PEX7: variants seen among roughly 807,000 people sequenced by gnomAD.
PEX7 encodes peroxisomal biogenesis factor 7.
In PEX7, 34 loss-of-function variants were observed where a neutral mutation model predicts 47.5. The observed-to-expected ratio is 0.72, with a 90% CI of 0.54 to 0.95. PEX7 has a LOEUF of 0.95. PEX7 is among the 40% of genes least tolerant of loss of function. PEX7 has a pLI of 0.00. For missense variants in PEX7, 394 were observed against 400.3 expected, an observed-to-expected ratio of 0.98 and a Z score of 0.13; for synonymous variants, 141 against 148.8, an observed-to-expected ratio of 0.95 and a Z score of 0.38.
intron 8 of PEX7, among the ~76,000 whole-genome samples, chr6:136,894,847 G>C (rs865809392): frequency 2.4e-4 from 37 of 152,294 alleles, no homozygotes; most frequent in Middle Eastern, 3.4e-3. Context: ...GAGACAAAAA[G>C]GCACCAAGTA....
intron 2 of PEX7, 65 bp downstream of exon 2, chr6:136,825,336 T>C: frequency 7.8e-7 from 1 of 1,277,212 alleles, no homozygotes; most frequent in Admixed American, 1.7e-5. Flanking sequence ...GAATTAGGTT[T>C]TGACTCTTTG....
In PEX7 at chr6:136,900,319, A is replaced by G. The variant is rs1775731333; in HGVS notation, c.903+2078A>G. 5.5e-6 allele frequency: 1 copy of G among 183,472 alleles called. No individual in the cohort carries two copies. Among genetic ancestry groups the G allele is most frequent in the Non-Finnish European group, 1.2e-5 (1 of 86,644 alleles). The allele number at this position is 183,472 out of a possible 1,614,324, so 11.4% of individuals were successfully genotyped here. On this transcript the variant is annotated intron_variant, in intron 9 of 9. Coordinates refer to ENST00000318471, the MANE Select transcript of PEX7 (RefSeq NM_000288.4). This position sits in a 1 kb window ranked among gnomAD's most constrained non-coding sequence, Gnocchi z 4.2. ...TATATTATTAATTTATATATTTTTC[A>G]AAGGATAATTTGTATTATTTTAATT...
At chr6:136,822,820 G>C in intron 1 of PEX7, 25 bp downstream of exon 1, 1 of 1,236,902 alleles carries the variant, frequency 8.1e-7, no homozygotes, top group Non-Finnish European at 1.0e-6. Context: ...CGCAGCTGGG[G>C]CCGGGGGGCG....
chr6:136,902,693 A>T (rs1775773858), intron 9 of PEX7, among the ~76,000 whole-genome samples: 1 of 152,020 alleles, frequency 6.6e-6, no homozygotes, highest in African/African-American at 2.4e-5. Flanking sequence ...GTGATTCTAG[A>T]CCTATAATAC....
intron 9 of PEX7, among the ~76,000 whole-genome samples, chr6:136,904,529 G>A (rs1222255537): frequency 6.6e-6 from 1 of 152,024 alleles, no homozygotes; most frequent in African/African-American, 2.4e-5. Flanking sequence ...CCGGTGGGAG[G>A]TGATTGAATT....
chr6:136,882,657 T>G (rs1019626474), intron 8 of PEX7, among the ~76,000 whole-genome samples: 8 of 152,178 alleles, frequency 5.3e-5, no homozygotes, highest in Non-Finnish European at 1.0e-4. Context: ...CTCCTGTTAT[T>G]TAGATCCCTT....
rs1409093157 is a variant in PEX7 at position 136,847,487 on chromosome 6, G to T, written c.526+1306G>T. ...GTTTTTATGGTTTTAGGTCTAACATGTAAGTCTTTAATCCATCTTGAATTA... is the reference window on the plus strand; with the variant it reads ...GTTTTTATGGTTTTAGGTCTAACATTTAAGTCTTTAATCCATCTTGAATTA... On this transcript the variant is annotated intron_variant, in intron 5 of 9. Transcript: ENST00000318471. Among the ~76,000 whole-genome samples, 199 of 151,668 alleles carry T rather than the reference G, an allele frequency of 1.3e-3. 4 individuals are homozygous for T. Among genetic ancestry groups the T allele is most frequent in the African/African-American group, 3.9e-3 (160 of 41,320 alleles).
Position 136,822,595 on chromosome 6 carries a change from C to T in PEX7, c.-71C>T, listed in dbSNP as rs1418449819. ...GTCCGGTCTGCCTGGTCTCTCTAAC[C>T]GCGCCAGTGTGCCTCCGACTCGGAA... is the stretch of plus-strand genomic sequence containing the variant. On this transcript the variant is annotated 5_prime_UTR_variant, in exon 1 of 10. Transcript: ENST00000318471. The T allele has an allele frequency of 7.2e-7, 1 of 1,394,390 alleles. No individual in the cohort carries two copies. The highest frequency in any genetic ancestry group is 1.5e-5 in the African/African-American group (1 of 68,860). 86.4% of individuals were successfully genotyped at this position (1,394,390 alleles called of 1,614,324 possible).
chr6:136,855,827 G>T, intron 5 of PEX7: 1 of 274,082 alleles, frequency 3.6e-6, no homozygotes, highest in Non-Finnish European at 7.0e-6. Context: ...AGTGGAAAGA[G>T]GGTATTGATT....
chr6:136,864,345 C>G (rs1450452395), intron 5 of PEX7, among the ~76,000 whole-genome samples: 2 of 152,016 alleles, frequency 1.3e-5, no homozygotes, highest in Non-Finnish European at 2.9e-5. Flanking sequence ...TGAGAGCTTA[C>G]TGCATATCTT....
rs528317074 is a variant in PEX7 at position 136,845,607 on chromosome 6, G to A, written c.340-8G>A. 1.7e-5 allele frequency: 27 copies of A among 1,567,058 alleles called. No homozygotes were observed. The highest frequency in any genetic ancestry group is 2.3e-5 in the Non-Finnish European group (26 of 1,137,206). ...TTTTGCTTTCTAAACACTTTTCAAT[G>A]TTTTTAGGTGTATAGTGTTGATTGG... On this transcript the variant is annotated splice_region_variant and splice_polypyrimidine_tract_variant and intron_variant, in intron 3 of 9. Transcript: ENST00000318471.
At chr6:136,866,408 TTCC>T (rs1775072676) in intron 5 of PEX7, among the ~76,000 whole-genome samples, 1 of 152,202 alleles carries the variant, frequency 6.6e-6, no homozygotes, top group African/African-American at 2.4e-5. Context: ...GATTCAAATT[TTCC>T]TCCTAATAGC....
At chr6:136,847,876 G>A (rs1774657354) in intron 5 of PEX7, among the ~76,000 whole-genome samples, 1 of 152,120 alleles carries the variant, frequency 6.6e-6, no homozygotes, top group South Asian at 2.1e-4. Flanking sequence ...TTCCAATTCT[G>A]TGAAGAAAGT....
At chr6:136,843,044 T>C (rs1774530903) in intron 3 of PEX7, among the ~76,000 whole-genome samples, 1 of 152,184 alleles carries the variant, frequency 6.6e-6, no homozygotes, top group Admixed American at 6.5e-5. Context: ...TTTAGTTCCT[T>C]GATATCATGG....
intron 1 of PEX7, chr6:136,823,377 C>G (rs1582730738): frequency 1.0e-6 from 1 of 982,966 alleles, no homozygotes; most frequent in Non-Finnish European, 1.2e-6. Context: ...CACACATTCG[C>G]AAGTAGGTGT....
intron 3 of PEX7, among the ~76,000 whole-genome samples, chr6:136,829,342 G>T (rs1774251761): frequency 6.6e-6 from 1 of 152,144 alleles, no homozygotes; most frequent in Admixed American, 6.5e-5. Flanking sequence ...CCCTCTTTTA[G>T]GTCAAAGACT....
intron 9 of PEX7, among the ~76,000 whole-genome samples, chr6:136,905,903 T>C (rs1324729552): frequency 4.6e-5 from 7 of 152,242 alleles, no homozygotes; most frequent in Non-Finnish European, 2.9e-5. Flanking sequence ...TCCTGTCTCT[T>C]CGCATTTCCT....
At chr6:136,881,206 G>A (rs1269617622) in intron 8 of PEX7, among the ~76,000 whole-genome samples, 1 of 152,158 alleles carries the variant, frequency 6.6e-6, no homozygotes, top group South Asian at 2.1e-4. Context: ...GCAGGAAGGA[G>A]CAGCCCACCA....
In PEX7 at chr6:136,832,302, G is replaced by A. The variant is rs1774308955; in HGVS notation, c.339+5833G>A. On this transcript the variant is annotated intron_variant, in intron 3 of 9. Coordinates refer to ENST00000318471, the MANE Select transcript of PEX7 (RefSeq NM_000288.4). ...CCTTTTAGCCATGGCTGGAGCTAGA[G>A]CAGCTGGATGCAGGGCACCATGTCT... 2.0e-5 allele frequency among the ~76,000 whole-genome samples: 3 copies of A among 152,382 alleles called. No homozygotes were observed. In the South Asian group the frequency reaches 6.2e-4, roughly 32 times the overall value.
Sources: gnomAD v4.1 joint callset for allele counts (sites outside exome capture counted in the v4.1 genomes callset) on GRCh38, gnomAD v4.1.1 for gene constraint, Gnocchi (gnomAD v3.1) non-coding constraint, MANE v1.5 for transcripts, NCBI Gene and HGNC (gene_info 2026-07-23, HGNC 2026-07-21) for gene names.